The following ANKRD28 variants were observed in gnomAD, a reference collection of about 807,000 sequenced individuals.
ANKRD28 encodes the protein serine/threonine-protein phosphatase 6 regulatory ankyrin repeat subunit A.
In ANKRD28, 44 loss-of-function variants were observed where a neutral mutation model predicts 126.5. That is an observed-to-expected ratio of 0.35 (90% CI 0.27 to 0.45). The LOEUF (loss-of-function observed/expected upper bound fraction) is 0.45, where lower values mean the gene tolerates loss of function less well. Among genes scored for constraint, ANKRD28 ranks in the 20% least tolerant of loss-of-function variants. ANKRD28 has a pLI of 1.00. For missense variants in ANKRD28, 1,110 were observed against 1,316.6 expected, an observed-to-expected ratio of 0.84 and a Z score of 2.43; for synonymous variants, 442 against 468.5, an observed-to-expected ratio of 0.94 and a Z score of 0.73.
At chr3:15,763,971 C>T (rs2058620051) in intron 3 of ANKRD28, among the ~76,000 whole-genome samples, 1 of 152,284 alleles carries the variant, frequency 6.6e-6, no homozygotes, top group East Asian at 1.9e-4. Flanking sequence ...CACTTGTAAT[C>T]TCAGCACTTT....
intron 27 of ANKRD28, 62 bp from the exon 28 acceptor site, chr3:15,670,618 G>T: frequency 1.3e-6 from 2 of 1,499,240 alleles, no homozygotes; most frequent in South Asian, 2.5e-5. Flanking sequence ...CAAAGACAAG[G>T]AAATAAGCCT....
At chr3:15,858,224 A>AC (rs1424569969) in intron 1 of ANKRD28, among the ~76,000 whole-genome samples, 1 of 152,146 alleles carries the variant, frequency 6.6e-6, no homozygotes, top group African/African-American at 2.4e-5. Context: ...CTCTTATAGG[A>AC]CAGAACAGTT....
intron 1 of ANKRD28, among the ~76,000 whole-genome samples, chr3:15,847,881 A>G (rs1374699009): frequency 6.6e-6 from 1 of 152,226 alleles, no homozygotes; most frequent in African/African-American, 2.4e-5. Flanking sequence ...TGCCTCTTCC[A>G]GTGGCTCATG....
At chr3:15,841,682 G>A (rs568520354) in intron 1 of ANKRD28, among the ~76,000 whole-genome samples, 9 of 152,232 alleles carry the variant, frequency 5.9e-5, no homozygotes, top group Admixed American at 2.6e-4. Context: ...ACATGAAAAG[G>A]GTCTCGGCAT....
chr3:15,783,190 T>C (rs1033294897), intron 2 of ANKRD28, among the ~76,000 whole-genome samples: 5 of 151,580 alleles, frequency 3.3e-5, no homozygotes, highest in African/African-American at 1.2e-4. Flanking sequence ...AAATAAGAAC[T>C]CTGAAAACTC....
chr3:15,805,638 C>T (rs2060561092), intron 1 of ANKRD28, among the ~76,000 whole-genome samples: 1 of 152,032 alleles, frequency 6.6e-6, no homozygotes, highest in African/African-American at 2.4e-5. Context: ...TTTAAACAGG[C>T]TGAATTTTGC....
At chr3:15,670,758 T>TA (rs1477681464) in intron 27 of ANKRD28, among the ~76,000 whole-genome samples, 5 of 152,282 alleles carry the variant, frequency 3.3e-5, no homozygotes, top group Admixed American at 2.6e-4. Context: ...AAGGGGATGT[T>TA]AGACTAGACA....
intron 6 of ANKRD28, chr3:15,732,049 G>A (rs1292914927): frequency 6.6e-6 from 1 of 152,244 alleles, no homozygotes; most frequent in Non-Finnish European, 1.5e-5. Context: ...AGTGTGATGG[G>A]AGAAAGGCTG....
chr3:15,735,427 T>A lies in ANKRD28; in HGVS notation c.623A>T (p.His208Leu). The A allele has an allele frequency of 6.4e-7, 1 of 1,558,398 alleles. No individual in the cohort carries two copies. Among genetic ancestry groups the A allele is most frequent in the Non-Finnish European group, 8.7e-7 (1 of 1,150,116 alleles). ...AFDKKDRRAIHWAAYMGHIEV... is the reference protein window; with the variant it reads ...AFDKKDRRAILWAAYMGHIEV... ...GTACATACCCATATATGCTGCCCAATGGATAGCACGCCTATCTTTCTTGTC... is the reference window on the plus strand; with the variant it reads ...GTACATACCCATATATGCTGCCCAAAGGATAGCACGCCTATCTTTCTTGTC... The change falls in exon 6 of 28, where the codon CAT becomes CTT. Residue 208 changes from histidine (H) to leucine (L), a missense_variant. Coordinates refer to ENST00000683139, the MANE Select transcript of ANKRD28 (RefSeq NM_001349278.2).
intron 4 of ANKRD28, among the ~76,000 whole-genome samples, chr3:15,750,774 T>C (rs1408934113): frequency 6.6e-6 from 1 of 152,072 alleles, no homozygotes; most frequent in Non-Finnish European, 1.5e-5. Context: ...TCCCTTTCCT[T>C]CTCCCAAACT....
At chr3:15,768,180 T>TA (rs1409927513) in intron 2 of ANKRD28, among the ~76,000 whole-genome samples, 1 of 152,220 alleles carries the variant, frequency 6.6e-6, no homozygotes, top group Non-Finnish European at 1.5e-5. Flanking sequence ...ATTAGAATAC[T>TA]AATACAGTTT....
intron 5 of ANKRD28, among the ~76,000 whole-genome samples, chr3:15,736,805 TAA>T (rs1366969334): frequency 1.3e-5 from 2 of 152,234 alleles, no homozygotes; most frequent in Non-Finnish European, 2.9e-5. Context: ...CCTGTTGTGT[TAA>T]GAGTTGGTAT....
chr3:15,685,740 T>G (rs1309122435), intron 20 of ANKRD28, among the ~76,000 whole-genome samples: 2 of 152,092 alleles, frequency 1.3e-5, no homozygotes, highest in Admixed American at 1.3e-4. Flanking sequence ...AGAAAATAAG[T>G]GAGATAATGG....
At position 15,720,862 on chromosome 3, in the gene ANKRD28, T is replaced by TTAAA. The variant is rs2073654786; in HGVS notation, c.996+52_996+53insTTTA. ...TGCTCAATGGTATTCACCATTGATG[T>TTAAA]TGTTTTAACAGTGACATATGAAATA... On this transcript the variant is annotated intron_variant, in intron 8 of 27. Transcript: ENST00000683139. The TTAAA allele has an allele frequency of 8.6e-6, 13 of 1,505,862 alleles. No individual in the cohort carries two copies. The Admixed American group carries it at 2.5e-4, about 29-fold the overall frequency. The allele number at this position is 1,505,862 out of a possible 1,614,324, so 93.3% of individuals were successfully genotyped here.
At position 15,677,540 on chromosome 3, in the gene ANKRD28, A is replaced by G. The variant is rs759882787; in HGVS notation, c.2730T>C (p.Ser910=). 1 of 1,612,832 alleles carries G rather than the reference A, an allele frequency of 6.2e-7. No individual in the cohort carries two copies. Among genetic ancestry groups the G allele is most frequent in the Non-Finnish European group, 8.5e-7 (1 of 1,179,132 alleles). ...TGTTATCTTGTAAAGTCAGTTCTGC[A>G]CTAGCACTGCTAACCAGCATCTCTG... ...NTVEMLVSSA[S]AELTLQDNSK... Residue 910 remains serine, a synonymous_variant, in exon 25 of 28, where the codon AGT becomes AGC. Transcript: ENST00000683139.
chr3:15,830,111 G>A lies in ANKRD28; in HGVS notation c.27+29266C>T, dbSNP rs776721002. 4.6e-5 allele frequency among the ~76,000 whole-genome samples: 7 copies of A among 152,122 alleles called. No homozygotes were observed. Among genetic ancestry groups the A allele is most frequent in the African/African-American group, 7.2e-5 (3 of 41,422 alleles). ...GGCTTTTCCCTCCCCTTAACTGTAA[G>A]CAAGGCAGTGAAAAACACAGTCTGG... On this transcript the variant is annotated intron_variant, in intron 1 of 27. Transcript: ENST00000399451. The surrounding 1 kb of genome is among the most constrained non-coding windows in gnomAD (Gnocchi z 4.5).
In ANKRD28 at chr3:15,796,743, T is replaced by C. The variant is rs1375635935; in HGVS notation, c.-222A>G. On this transcript the variant is annotated 5_prime_UTR_variant, in exon 1 of 28. Coordinates refer to ENST00000683139, the MANE Select transcript of ANKRD28 (RefSeq NM_001349278.2). ...TCCTAAATATAACGAAATTCTATTA[T>C]TTCTGTTGGATTACTGCAATACTTA... 2 of 989,082 alleles carry C rather than the reference T, an allele frequency of 2.0e-6. No homozygotes were observed. The highest frequency in any genetic ancestry group is 2.4e-6 in the Non-Finnish European group (2 of 830,616). 61.3% of individuals were successfully genotyped at this position (989,082 alleles called of 1,614,324 possible).
At chr3:15,800,895 G>GTCT (rs1027420222), upstream of ANKRD28, among the ~76,000 whole-genome samples, 1 of 152,058 alleles carries the variant, frequency 6.6e-6, no homozygotes, top group Non-Finnish European at 1.5e-5. Context: ...ACTGTTTTGT[G>GTCT]TCTTCTTCTA....
intron 1 of ANKRD28, among the ~76,000 whole-genome samples, chr3:15,844,554 A>G (rs993991329): frequency 1.3e-5 from 2 of 152,208 alleles, no homozygotes; most frequent in Non-Finnish European, 2.9e-5. Flanking sequence ...ATGGATCTGG[A>G]AGGCTTATAA....
Sources: gnomAD v4.1 joint callset for allele counts (sites outside exome capture counted in the v4.1 genomes callset) on GRCh38, gnomAD v4.1.1 for gene constraint, Gnocchi (gnomAD v3.1) non-coding constraint, MANE v1.5 for transcripts, NCBI Gene and HGNC (gene_info 2026-07-23, HGNC 2026-07-21) for gene names.